COG5: variants seen among roughly 807,000 people sequenced by gnomAD.
COG5 encodes the protein component of oligomeric golgi complex 5.
A neutral mutation model predicts 110.4 loss-of-function variants in COG5; 86 were observed. The ratio of observed to expected loss-of-function variants is 0.78; its 90% confidence interval spans 0.65 to 0.93. COG5 has a LOEUF of 0.93. Among genes scored for constraint, COG5 ranks in the 40% least tolerant of loss-of-function variants. COG5 has a pLI of 0.00. For missense variants in COG5, 1,077 were observed against 987.0 expected, an observed-to-expected ratio of 1.09 and a Z score of -1.22; for synonymous variants, 360 against 334.6, an observed-to-expected ratio of 1.08 and a Z score of -0.83.
chr7:107,250,706 T>C (rs186913013), intron 16 of COG5, among the ~76,000 whole-genome samples: 3 of 152,212 alleles, frequency 2.0e-5, no homozygotes, highest in Non-Finnish European at 2.9e-5. Flanking sequence ...AAAAAAGTTA[T>C]ATTTAAACTT....
chr7:107,378,913 A>T (rs1452450037), intron 7 of COG5, among the ~76,000 whole-genome samples: 2 of 152,204 alleles, frequency 1.3e-5, no homozygotes, highest in African/African-American at 4.8e-5. Context: ...AATTCAGGAA[A>T]TACAGAGAAC....
intron 16 of COG5, among the ~76,000 whole-genome samples, chr7:107,255,068 C>T (rs1435554954): frequency 6.6e-6 from 1 of 151,960 alleles, no homozygotes. Flanking sequence ...ATGCTTATTA[C>T]GTATGAGGGC....
chr7:107,411,359 T>C (rs1792280390), intron 7 of COG5, among the ~76,000 whole-genome samples: 1 of 152,190 alleles, frequency 6.6e-6, no homozygotes, highest in South Asian at 2.1e-4. Flanking sequence ...CTTTTTTTTT[T>C]TAAACGGTGT....
At chr7:107,552,331 T>C (rs1410868507) in intron 3 of COG5, among the ~76,000 whole-genome samples, 1 of 152,058 alleles carries the variant, frequency 6.6e-6, no homozygotes, top group African/African-American at 2.4e-5. Context: ...AAACTATCAA[T>C]AGAATAAACA....
rs191619206 is a variant in COG5, at chr7:107,247,360, C to G, written c.1853+1036G>C. On this transcript the variant is annotated intron_variant, in intron 17 of 21. Coordinates refer to ENST00000297135, the MANE Select transcript of COG5 (RefSeq NM_006348.5). ...TGTAACAACCCTTCACATGTGCCCC[C>G]AAACCTAATATAAAAGTTACAAAAA... Among the ~76,000 whole-genome samples the G allele has an allele frequency of 3.3e-5, 5 of 152,010 alleles. No homozygotes were observed. The East Asian group carries it at 7.7e-4, about 24-fold the overall frequency.
intron 6 of COG5, among the ~76,000 whole-genome samples, chr7:107,444,518 C>T (rs965076179): frequency 4.6e-5 from 7 of 152,150 alleles, no homozygotes; most frequent in African/African-American, 1.4e-4. Context: ...CCTGTTCTTT[C>T]ACCCCCTACT....
chr7:107,339,935 T>C (rs1207304663), intron 10 of COG5, among the ~76,000 whole-genome samples: 1 of 151,978 alleles, frequency 6.6e-6, no homozygotes, highest in East Asian at 1.9e-4. Flanking sequence ...ATTAATCATT[T>C]AACATCACAC....
At chr7:107,465,402 C>A (rs1397969309) in intron 6 of COG5, among the ~76,000 whole-genome samples, 1 of 152,050 alleles carries the variant, frequency 6.6e-6, no homozygotes, top group Non-Finnish European at 1.5e-5. Flanking sequence ...AAAATATGTG[C>A]AGGATCTGTA....
intron 7 of COG5, among the ~76,000 whole-genome samples, chr7:107,379,946 T>C (rs1263882465): frequency 6.6e-6 from 1 of 152,178 alleles, no homozygotes; most frequent in Non-Finnish European, 1.5e-5. Flanking sequence ...TCTACAGAAC[T>C]CTACACCCCA....
intron 11 of COG5, among the ~76,000 whole-genome samples, chr7:107,319,170 C>T (rs887113535): frequency 1.3e-5 from 2 of 150,880 alleles, no homozygotes; most frequent in Non-Finnish European, 2.9e-5. Context: ...TGTGGAGGTT[C>T]CATTTGATTC....
intron 6 of COG5, among the ~76,000 whole-genome samples, chr7:107,459,854 G>C (rs866258474): frequency 8.6e-5 from 13 of 151,152 alleles, no homozygotes; most frequent in Non-Finnish European, 1.5e-4. Flanking sequence ...GGCTAGAGAA[G>C]ATTGTACAAT....
intron 8 of COG5, among the ~76,000 whole-genome samples, chr7:107,372,071 T>C (rs772091941): frequency 6.6e-6 from 1 of 152,208 alleles, no homozygotes; most frequent in Non-Finnish European, 1.5e-5. Flanking sequence ...AGGCTACTCC[T>C]CTCTACCTTG....
chr7:107,283,657 G>T lies in COG5; in HGVS notation c.1389C>A (p.Phe463Leu). The change falls in exon 13 of 22, where the codon TTC (phenylalanine) becomes TTA (leucine). Residue 463 changes from phenylalanine (F) to leucine (L), a missense_variant. Transcript: ENST00000297135. ...GGGGAAAAACCAAGTTGATAGGATC[G>T]AAGAGTCGAGATAAGGATTTTGATA... ...AYLSKSLSRL[F>L]DPINLVFPPG... The T allele has an allele frequency of 6.2e-7, 1 of 1,613,632 alleles. No individual in the cohort carries two copies. The highest frequency in any genetic ancestry group is 8.5e-7 in the Non-Finnish European group (1 of 1,179,632).
Position 107,474,911 on chromosome 7 carries a change from T to C in COG5, c.538+52326A>G. ...GGTGGGAGAAATGTAGTCTTTGGTG[T>C]AAGAACTTCAGTTTCTGTAATAATT... On this transcript the variant is annotated intron_variant, in intron 6 of 21. Coordinates refer to ENST00000297135, the MANE Select transcript of COG5 (RefSeq NM_006348.5). This position sits in a 1 kb window ranked among gnomAD's most constrained non-coding sequence, Gnocchi z 5.7. 1 of 1,613,230 alleles carries C rather than the reference T, an allele frequency of 6.2e-7. No homozygotes were observed. Among genetic ancestry groups the C allele is most frequent in the Non-Finnish European group, 8.5e-7 (1 of 1,179,510 alleles).
intron 1 of COG5, among the ~76,000 whole-genome samples, chr7:107,560,568 AG>A (rs1803695201): frequency 6.6e-6 from 1 of 152,240 alleles, no homozygotes; most frequent in Non-Finnish European, 1.5e-5. Context: ...TCTGCCTCCA[AG>A]GAATTCATAA....
chr7:107,376,216 C>T (rs1410863385), intron 7 of COG5, among the ~76,000 whole-genome samples: 2 of 152,016 alleles, frequency 1.3e-5, no homozygotes, highest in African/African-American at 2.4e-5. Context: ...CCAGATTTGG[C>T]AATCCTCTGC....
intron 17 of COG5, among the ~76,000 whole-genome samples, chr7:107,241,803 C>A (rs1309617987): frequency 6.6e-6 from 1 of 151,700 alleles, no homozygotes; most frequent in Non-Finnish European, 1.5e-5. Flanking sequence ...TTTTTTGAAA[C>A]AGGGTCTTAC....
At chr7:107,217,514 C>T (rs764233144) in intron 19 of COG5, among the ~76,000 whole-genome samples, 1 of 152,076 alleles carries the variant, frequency 6.6e-6, no homozygotes, top group African/African-American at 2.4e-5. Context: ...TCCAATTCTA[C>T]GGCACATTAA....
chr7:107,296,211 T>G (rs1387060947), intron 12 of COG5, among the ~76,000 whole-genome samples: 1 of 151,502 alleles, frequency 6.6e-6, no homozygotes, highest in Non-Finnish European at 1.5e-5. Context: ...TTTTCTTTCT[T>G]TCACACAAGG....
Sources: allele counts gnomAD v4.1 joint callset (sites outside exome capture counted in the v4.1 genomes callset), GRCh38; gene constraint gnomAD v4.1.1; non-coding constraint Gnocchi (gnomAD v3.1); transcripts MANE v1.5; gene names NCBI Gene and HGNC (gene_info 2026-07-23, HGNC 2026-07-21).